The following QKI variants were observed in gnomAD, a reference collection of about 807,000 sequenced individuals.
QKI encodes QKI, KH domain containing RNA binding.
Under a neutral mutation model 39.0 loss-of-function variants are expected in QKI, and 10 were observed. The ratio of observed to expected loss-of-function variants is 0.26; its 90% CI spans 0.16 to 0.43. The LOEUF (loss-of-function observed/expected upper bound fraction) is 0.43. QKI is among the 20% of genes least tolerant of loss of function. The pLI is 1.00. For missense variants in QKI, 218 were observed against 428.0 expected (o/e 0.51, Z 4.33); for synonymous variants, 204 against 155.4 (o/e 1.31, Z -2.33).
At chr6:163,420,677 G>A (rs1168667287) in intron 1 of QKI, among the ~76,000 whole-genome samples, 2 of 152,100 alleles carry the variant, frequency 1.3e-5, no homozygotes, top group African/African-American at 4.8e-5. Context: ...TACCCTTAAT[G>A]ATAACTTTTA....
intron 6 of QKI, chr6:163,564,532 T>A: frequency 1.3e-6 from 2 of 1,520,230 alleles, no homozygotes; most frequent in South Asian, 2.6e-5. Flanking sequence ...TATGGAATAG[T>A]TAAATAAATA....
chr6:163,555,763 A>C (rs1782551519), intron 4 of QKI, among the ~76,000 whole-genome samples: 1 of 152,308 alleles, frequency 6.6e-6, no homozygotes, highest in African/African-American at 2.4e-5. Context: ...TTATTTTTTT[A>C]GTTGACATAG....
chr6:163,467,277 CAAGTT>C (rs1157599456), intron 2 of QKI, among the ~76,000 whole-genome samples: 8 of 152,184 alleles, frequency 5.3e-5, no homozygotes, highest in Non-Finnish European at 1.0e-4. Context: ...TAAATCATCA[CAAGTT>C]AAACCTTGTT....
At chr6:163,570,426 ATT>A (rs1272117820) in intron 7 of QKI, 2 of 956,068 alleles carry the variant, frequency 2.1e-6, no homozygotes, top group Non-Finnish European at 2.4e-6. Flanking sequence ...TTTTATTTCT[ATT>A]TTTTCTTGTT....
At chr6:163,430,590 G>T (rs1329209735) in intron 1 of QKI, among the ~76,000 whole-genome samples, 2 of 152,152 alleles carry the variant, frequency 1.3e-5, no homozygotes, top group Non-Finnish European at 2.9e-5. Flanking sequence ...TAGCGAGTGT[G>T]TGAATTCTTG....
chr6:163,570,911 T>C lies in QKI; in HGVS notation c.*201T>C, dbSNP rs78836745. 27 of 659,486 alleles carry C rather than the reference T, an allele frequency of 4.1e-5. No homozygotes were observed. Among genetic ancestry groups the C allele is most frequent in the East Asian group, 9.2e-5 (3 of 32,488 alleles). 40.9% of individuals were successfully genotyped at this position (659,486 alleles called of 1,614,324 possible). A position where few individuals can be genotyped will look rare whatever the true frequency, so the allele number is the denominator to read the frequency against. ...CAACTCAGCTTTTTTTTTTTTTTTT[T>C]CCTGTTTGGGTGAAAGTGGTTCTAG... On this transcript the variant is annotated 3_prime_UTR_variant, in exon 8 of 8. Transcript: ENST00000361752.
In QKI at chr6:163,475,575, T is replaced by C. The variant is rs563353684; in HGVS notation, c.286-3205T>C. Reference sequence around the variant, plus strand: ...CACCCCAGATACCAAGGGACGATTGTGTAGATAAATATTTATGACAGTGAT... The same window carrying C: ...CACCCCAGATACCAAGGGACGATTGCGTAGATAAATATTTATGACAGTGAT... On this transcript the variant is annotated intron_variant, in intron 2 of 7. Transcript: ENST00000361752. 1.1e-4 allele frequency among the ~76,000 whole-genome samples: 16 copies of C among 152,296 alleles called. No individual in the cohort carries two copies. The East Asian group carries it at 2.9e-3, about 28-fold the overall frequency.
chr6:163,459,430 C>G (rs1459637110), intron 2 of QKI, among the ~76,000 whole-genome samples: 2 of 152,154 alleles, frequency 1.3e-5, no homozygotes, highest in East Asian at 3.8e-4. Flanking sequence ...ACAGGGCAGT[C>G]AGCCTCCGTG....
intron 3 of QKI, among the ~76,000 whole-genome samples, chr6:163,504,280 G>C (rs1179670168): frequency 1.3e-5 from 2 of 152,144 alleles, no homozygotes; most frequent in Non-Finnish European, 2.9e-5. Flanking sequence ...ATAGTTTGAA[G>C]TTGGGTAATG....
chr6:163,489,919 G>A (rs976959184), intron 3 of QKI, among the ~76,000 whole-genome samples: 24 of 152,038 alleles, frequency 1.6e-4, no homozygotes, highest in Non-Finnish European at 2.4e-4. Context: ...TTTTTTTCTC[G>A]CATTTTATAT....
intron 7 of QKI, chr6:163,569,485 T>G (rs1222463765): frequency 4.7e-6 from 6 of 1,274,854 alleles, no homozygotes; most frequent in Non-Finnish European, 6.1e-6. Flanking sequence ...CAGAATATAG[T>G]AGAAATAATT....
At chr6:163,570,060 G>T (rs370780459) in intron 7 of QKI, 6 of 986,008 alleles carry the variant, frequency 6.1e-6, no homozygotes, top group African/African-American at 3.5e-5. Context: ...GTTTAGTATC[G>T]CTTTGTATCA....
At chr6:163,561,953 C>G in intron 4 of QKI, 29 bp from the exon 5 acceptor site, 1 of 1,571,620 alleles carries the variant, frequency 6.4e-7, no homozygotes, top group Non-Finnish European at 8.7e-7. Context: ...GTCTCAAATG[C>G]TTTCATCTCA....
chr6:163,450,006 A>G (rs1224397718), intron 1 of QKI, among the ~76,000 whole-genome samples: 4 of 151,572 alleles, frequency 2.6e-5, no homozygotes, highest in African/African-American at 7.3e-5. Flanking sequence ...TGTATAACAT[A>G]TATGTATAAC....
chr6:163,552,256 C>T (rs1275536443), intron 4 of QKI, among the ~76,000 whole-genome samples: 7 of 142,144 alleles, frequency 4.9e-5, no homozygotes, highest in Admixed American at 2.9e-4. Flanking sequence ...TTGCCTAGGC[C>T]GGAGTGCAGT....
chr6:163,517,402 GGTTTTTT>G (rs1322374986), intron 3 of QKI, among the ~76,000 whole-genome samples: 1 of 152,016 alleles, frequency 6.6e-6, no homozygotes, highest in African/African-American at 2.4e-5. Flanking sequence ...TATCTAGAGT[GGTTTTTT>G]GTTTTTTGTT....
chr6:163,529,757 C>G (rs1331336779), intron 3 of QKI, among the ~76,000 whole-genome samples: 1 of 152,176 alleles, frequency 6.6e-6, no homozygotes, highest in Non-Finnish European at 1.5e-5. Flanking sequence ...CAGTCTCTGT[C>G]AAAGCACAAG....
chr6:163,441,885 G>T (rs1321557333), intron 1 of QKI, among the ~76,000 whole-genome samples: 3 of 152,198 alleles, frequency 2.0e-5, no homozygotes, highest in South Asian at 2.1e-4. Flanking sequence ...AAAGGTGAGG[G>T]CAAGGGGAGC....
intron 2 of QKI, among the ~76,000 whole-genome samples, chr6:163,465,160 G>A (rs984933962): frequency 1.3e-5 from 2 of 152,156 alleles, no homozygotes; most frequent in African/African-American, 4.8e-5. Context: ...TTCTCAACAA[G>A]TAAGGTATAG....
Sources: gnomAD v4.1 joint callset for allele counts (sites outside exome capture counted in the v4.1 genomes callset) on GRCh38, gnomAD v4.1.1 for gene constraint, MANE v1.5 for transcripts, NCBI Gene and HGNC (gene_info 2026-07-23, HGNC 2026-07-21) for gene names.